GTF2I: variants seen among roughly 807,000 people sequenced by gnomAD.
GTF2I encodes general transcription factor II-I.
GTF2I carries 12 observed loss-of-function variants against 67.6 expected under a neutral mutation model. That is an observed-to-expected ratio of 0.18 (90% CI 0.11 to 0.29). The LOEUF (loss-of-function observed/expected upper bound fraction) is 0.29, where lower values mean the gene tolerates loss of function less well. Ranked by LOEUF, GTF2I falls within the 10% of genes least tolerant of loss-of-function variation. The pLI is 1.00. For missense variants in GTF2I, 271 were observed against 580.1 expected (o/e 0.47, Z 5.47); for synonymous variants, 149 against 197.0 (o/e 0.76, Z 2.04).
Position 74,691,035 on chromosome 7 carries a change from G to A in GTF2I, c.162G>A (p.Val54=), listed in dbSNP as rs1554396910. The A allele has an allele frequency of 6.2e-7, 1 of 1,613,384 alleles. No individual in the cohort carries two copies. Among genetic ancestry groups the A allele is most frequent in the Admixed American group, 1.7e-5 (1 of 59,966 alleles). Reference sequence around the variant, plus strand: ...GCATTGCAGTGTATGAAACAGACGTGTTTGTCGTCGGAACTGAAAGAGGAC... The same window carrying A: ...GCATTGCAGTGTATGAAACAGACGTATTTGTCGTCGGAACTGAAAGAGGAC... ...VACIAVYETD[V]FVVGTERGRA... Residue 54 remains valine (V), a synonymous_variant, in exon 3 of 35, where the codon GTG becomes GTA. Transcript: ENST00000573035.
intron 6 of GTF2I, among the ~76,000 whole-genome samples, chr7:74,702,319 G>A (rs144423542): frequency 6.6e-5 from 10 of 151,680 alleles, no homozygotes; most frequent in African/African-American, 1.9e-4. Flanking sequence ...CCTCCGCCTC[G>A]TGGATTCAAG....
chr7:74,676,443 C>T (rs1410952569), intron 1 of GTF2I, among the ~76,000 whole-genome samples: 2 of 151,914 alleles, frequency 1.3e-5, no homozygotes, highest in Non-Finnish European at 2.9e-5. Context: ...CATAGTGAGA[C>T]CCTTATCTGA....
rs782675708 is a variant in GTF2I, at chr7:74,674,712, A to ATT, written c.-5-14399_-5-14398dup. Among the ~76,000 whole-genome samples, 12 of 132,162 alleles carry ATT rather than the reference A, an allele frequency of 9.1e-5. No homozygotes were observed. In the South Asian group the frequency reaches 9.6e-4, roughly 11 times the overall value. The allele number at this position is 132,162 out of a possible 152,430, so 86.7% of individuals were successfully genotyped here. A position where few individuals can be genotyped will look rare whatever the true frequency, so the allele number is the denominator to read the frequency against. On this transcript the variant is annotated intron_variant, in intron 1 of 34. Transcript: ENST00000573035. ...AGCCACCACGCTCAACTAATTTTGC[A>ATT]TTTTTTTTTTTTTTAGTGGAGACGG...
chr7:74,674,271 T>C (rs1562940184), intron 1 of GTF2I, among the ~76,000 whole-genome samples: 1 of 151,970 alleles, frequency 6.6e-6, no homozygotes, highest in Admixed American at 6.6e-5. Context: ...CTCACTCTAT[T>C]GCCAAGCTGG....
chr7:74,696,586 G>A (rs990853240), intron 3 of GTF2I, among the ~76,000 whole-genome samples: 1 of 151,254 alleles, frequency 6.6e-6, no homozygotes, highest in Non-Finnish European at 1.5e-5. Flanking sequence ...TTCACCTCCC[G>A]GGTTCACGCC....
At position 74,681,809 on chromosome 7, in the gene GTF2I, G is replaced by A. The variant is rs192479202; in HGVS notation, c.-5-7315G>A. Among the ~76,000 whole-genome samples, 1,334 of 152,304 alleles carry A rather than the reference G, an allele frequency of 8.8e-3. 10 individuals carry two copies. The highest frequency in any genetic ancestry group is 0.014 in the Non-Finnish European group (932 of 68,010). ...CGCCTGTAATCCCAGCTACTCGGGAGGCTGAGGCAGGAGAATCACTTGAAC... is the reference window on the plus strand; with the variant it reads ...CGCCTGTAATCCCAGCTACTCGGGAAGCTGAGGCAGGAGAATCACTTGAAC... On this transcript the variant is annotated intron_variant, in intron 1 of 34. Coordinates refer to ENST00000573035, the MANE Select transcript of GTF2I (RefSeq NM_032999.4).
At chr7:74,726,843 AG>A (rs2131494456) in intron 12 of GTF2I, 1 of 138,300 alleles carries the variant, frequency 7.2e-6, no homozygotes, top group South Asian at 2.2e-4. Context: ...ACAGATAGAT[AG>A]ATAGATAGAT....
chr7:74,694,188 A>G (rs1788654863), intron 3 of GTF2I, among the ~76,000 whole-genome samples: 1 of 152,266 alleles, frequency 6.6e-6, no homozygotes, highest in African/African-American at 2.4e-5. Flanking sequence ...AGCGTAATCC[A>G]GAGTGAGGCC....
chr7:74,668,814 C>T (rs1484550085), intron 1 of GTF2I, among the ~76,000 whole-genome samples: 2 of 151,960 alleles, frequency 1.3e-5, no homozygotes, highest in Admixed American at 1.3e-4. Context: ...CCTCGTGATC[C>T]ACCTGCCTTG....
chr7:74,747,707 G>A (rs1425033620), intron 23 of GTF2I, among the ~76,000 whole-genome samples: 2 of 42,582 alleles, frequency 4.7e-5, no homozygotes, highest in Non-Finnish European at 9.5e-5. Flanking sequence ...CAAGACAATC[G>A]CTTGAAACCA....
chr7:74,724,891 G>A (rs1793559077), intron 12 of GTF2I, among the ~76,000 whole-genome samples: 11 of 152,078 alleles, frequency 7.2e-5, no homozygotes, highest in Admixed American at 7.2e-4. Flanking sequence ...ACTGCCCACT[G>A]CACTCCCAGC....
At chr7:74,721,679 T>G (rs1189594868) in intron 12 of GTF2I, among the ~76,000 whole-genome samples, 6 of 152,122 alleles carry the variant, frequency 3.9e-5, no homozygotes, top group Non-Finnish European at 8.8e-5. Flanking sequence ...GTTAATAATG[T>G]GTATCATATA....
chr7:74,682,826 G>C (rs1554394450), intron 1 of GTF2I, among the ~76,000 whole-genome samples: 1 of 152,130 alleles, frequency 6.6e-6, no homozygotes, highest in East Asian at 1.9e-4. Flanking sequence ...ATTCCTTAGA[G>C]AGTAGGAAAC....
In GTF2I at chr7:74,673,840, C is replaced by A. The variant is rs1231166139; in HGVS notation, c.-5-15284C>A. Among the ~76,000 whole-genome samples, 4 of 151,684 alleles carry A rather than the reference C, an allele frequency of 2.6e-5. No homozygotes were observed. In the East Asian group the frequency reaches 7.7e-4, roughly 29 times the overall value. Reference sequence around the variant, plus strand: ...GGATTACAGGCACCCACCACCACACCCAGCTAATTTTTGTAGTTTTAGTAG... The same window carrying A: ...GGATTACAGGCACCCACCACCACACACAGCTAATTTTTGTAGTTTTAGTAG... On this transcript the variant is annotated intron_variant, in intron 1 of 34. Transcript: ENST00000573035.
intron 11 of GTF2I, 41 bp downstream of exon 11, chr7:74,716,991 G>T (rs1792342220): frequency 1.3e-6 from 2 of 1,558,120 alleles, no homozygotes; most frequent in Non-Finnish European, 1.8e-6. Context: ...ACTATTTGTT[G>T]TATGTTTATT....
chr7:74,683,683 T>G (rs1257224551), intron 1 of GTF2I, among the ~76,000 whole-genome samples: 2 of 151,832 alleles, frequency 1.3e-5, no homozygotes, highest in Non-Finnish European at 2.9e-5. Context: ...TGAAACCCCA[T>G]CTCTACTAAA....
intron 19 of GTF2I, among the ~76,000 whole-genome samples, chr7:74,738,956 GTC>G (rs1467906380): frequency 1.8e-4 from 2 of 11,098 alleles, no homozygotes; most frequent in Non-Finnish European, 4.0e-4. Flanking sequence ...GATCTAAGAA[GTC>G]TCTGTTCAAT....
chr7:74,720,090 C>A (rs1792747781), intron 12 of GTF2I, among the ~76,000 whole-genome samples: 1 of 152,148 alleles, frequency 6.6e-6, no homozygotes, highest in Non-Finnish European at 1.5e-5. Flanking sequence ...GGGATGTATG[C>A]CAGCTTATTG....
At chr7:74,676,854 A>C (rs1805947597) in intron 1 of GTF2I, among the ~76,000 whole-genome samples, 1 of 152,018 alleles carries the variant, frequency 6.6e-6, no homozygotes, top group Admixed American at 6.6e-5. Context: ...TCAGGAGTTC[A>C]AGACCAGCCT....
Sources: allele counts gnomAD v4.1 joint callset (sites outside exome capture counted in the v4.1 genomes callset), GRCh38; gene constraint gnomAD v4.1.1; transcripts MANE v1.5; gene names NCBI Gene and HGNC (gene_info 2026-07-23, HGNC 2026-07-21).